The following MAPKAP1 variants were observed in gnomAD, a reference collection of about 807,000 sequenced individuals.
MAPKAP1 encodes MAPK associated protein 1.
MAPKAP1 carries 20 observed loss-of-function variants against 65.7 expected under a neutral mutation model. That is an observed-to-expected ratio of 0.30 (90% CI 0.21 to 0.44). The LOEUF is 0.44. Among genes scored for constraint, MAPKAP1 ranks in the 20% least tolerant of loss-of-function variants. The probability of loss-of-function intolerance (pLI) is 1.00; values close to 1 mark genes in which losing one functional copy is unlikely to be tolerated. For synonymous variants in MAPKAP1, 222 were observed against 244.3 expected, an observed-to-expected ratio of 0.91 and a Z score of 0.85; for missense variants, 423 against 648.0, an observed-to-expected ratio of 0.65 and a Z score of 3.77.
chr9:125,501,337 A>C (rs958332895), intron 8 of MAPKAP1, among the ~76,000 whole-genome samples: 10 of 152,224 alleles, frequency 6.6e-5, no homozygotes, highest in Non-Finnish European at 1.5e-5. Context: ...CATCACAGTT[A>C]AACCAAATGT....
intron 9 of MAPKAP1, among the ~76,000 whole-genome samples, chr9:125,478,657 G>A (rs536323644): frequency 6.6e-6 from 1 of 152,234 alleles, no homozygotes; most frequent in South Asian, 2.1e-4. Flanking sequence ...TGACACCTGT[G>A]GATTGGCACC....
chr9:125,584,149 C>G (rs1203130093), intron 5 of MAPKAP1, among the ~76,000 whole-genome samples: 2 of 152,102 alleles, frequency 1.3e-5, no homozygotes, highest in African/African-American at 4.8e-5. Flanking sequence ...GTTCCCACTT[C>G]ATGCAGAAAA....
At position 125,437,715 on chromosome 9, in the gene MAPKAP1, A is replaced by G. The variant is rs927108628; in HGVS notation, c.*1172T>C. ...ACATCTCTTCCTGTACAACAATTTAAAAAATGTTTCTAATGCAGGTCCTCA... is the reference window on the plus strand; with the variant it reads ...ACATCTCTTCCTGTACAACAATTTAGAAAATGTTTCTAATGCAGGTCCTCA... On this transcript the variant is annotated 3_prime_UTR_variant, in exon 12 of 12. Coordinates refer to ENST00000265960, the MANE Select transcript of MAPKAP1 (RefSeq NM_001006617.3). 2.6e-5 allele frequency: 4 copies of G among 152,420 alleles called. No individual in the cohort carries two copies. Among genetic ancestry groups the G allele is most frequent in the Non-Finnish European group, 4.4e-5 (3 of 68,044 alleles). The allele number at this position is 152,420 out of a possible 1,614,324, so 9.4% of individuals were successfully genotyped here.
At chr9:125,568,090 G>A (rs959202254) in intron 5 of MAPKAP1, 1 of 152,090 alleles carries the variant, frequency 6.6e-6, no homozygotes, top group Non-Finnish European at 1.5e-5. Flanking sequence ...TCCTAAGACA[G>A]AGTGGGTTAG....
At chr9:125,673,259 G>A (rs1023237630) in intron 1 of MAPKAP1, among the ~76,000 whole-genome samples, 1 of 152,040 alleles carries the variant, frequency 6.6e-6, no homozygotes, top group African/African-American at 2.4e-5. Context: ...ACAGGGTATC[G>A]CGCTTGTTGC....
At chr9:125,666,720 C>T (rs1488604381) in intron 3 of MAPKAP1, among the ~76,000 whole-genome samples, 2 of 152,048 alleles carry the variant, frequency 1.3e-5, no homozygotes, top group East Asian at 1.9e-4. Context: ...TGAGAGAGTA[C>T]GTTTGTGGGA....
intron 7 of MAPKAP1, among the ~76,000 whole-genome samples, chr9:125,525,307 T>C (rs1829730703): frequency 6.6e-6 from 1 of 152,116 alleles, no homozygotes; most frequent in African/African-American, 2.4e-5. Flanking sequence ...GAAGAAGACA[T>C]TATTATTATT....
intron 3 of MAPKAP1, among the ~76,000 whole-genome samples, chr9:125,669,394 C>T (rs757376545): frequency 6.0e-5 from 9 of 150,828 alleles, no homozygotes; most frequent in Non-Finnish European, 7.4e-5. Context: ...GCAGGAGAAT[C>T]GCTTGAACCG....
At chr9:125,454,452 C>A (rs1853086509) in intron 10 of MAPKAP1, among the ~76,000 whole-genome samples, 2 of 152,136 alleles carry the variant, frequency 1.3e-5, no homozygotes, top group South Asian at 4.1e-4. Flanking sequence ...GCTAGGGTAA[C>A]CTTTGTGCAA....
chr9:125,525,396 G>A (rs555556660), intron 7 of MAPKAP1, among the ~76,000 whole-genome samples: 39 of 152,268 alleles, frequency 2.6e-4, no homozygotes, highest in South Asian at 1.0e-3. Context: ...ACAGGAGGCC[G>A]GGCGCGGTGG....
chr9:125,585,761 C>T, intron 4 of MAPKAP1, 34 bp from the exon 5 acceptor site: 2 of 1,604,786 alleles, frequency 1.2e-6, no homozygotes, highest in Non-Finnish European at 8.5e-7. Flanking sequence ...GAGCAAAGCA[C>T]ACTGCCAGTT....
chr9:125,620,172 G>A (rs2131648899), intron 4 of MAPKAP1, among the ~76,000 whole-genome samples: 1 of 152,316 alleles, frequency 6.6e-6, no homozygotes, highest in Non-Finnish European at 1.5e-5. Flanking sequence ...ATCTGGGTGT[G>A]GTGGGGCACA....
chr9:125,680,794 AG>A lies in MAPKAP1; in HGVS notation c.-69-8152del, dbSNP rs375017273. Among the ~76,000 whole-genome samples the A allele has an allele frequency of 3.8e-4, 58 of 152,320 alleles. 1 individual carries two copies. In the East Asian group the frequency reaches 9.8e-3, roughly 26 times the overall value. ...AGCAGAGGAGCTGTGTCATATACAT[AG>A]GGAACAATAACATAAAGCAAGATAA... is the stretch of plus-strand genomic sequence containing the variant. On this transcript the variant is annotated intron_variant, in intron 1 of 11. Transcript: ENST00000265960.
chr9:125,480,296 G>A (rs888757139), intron 9 of MAPKAP1, among the ~76,000 whole-genome samples: 2 of 152,178 alleles, frequency 1.3e-5, no homozygotes, highest in Non-Finnish European at 2.9e-5. Flanking sequence ...TGAAATTTCT[G>A]ATTATAATGA....
chr9:125,645,117 G>A (rs1424404094), intron 4 of MAPKAP1, among the ~76,000 whole-genome samples: 1 of 152,064 alleles, frequency 6.6e-6, no homozygotes, highest in East Asian at 1.9e-4. Context: ...AAAGGGGAGG[G>A]GAAAGGCTGA....
chr9:125,565,256 A>G (rs1393591353), intron 5 of MAPKAP1: 2 of 152,254 alleles, frequency 1.3e-5, no homozygotes, highest in African/African-American at 4.8e-5. Context: ...TCACAAAGCG[A>G]CAGAAGCCTG....
At chr9:125,699,560 G>A (rs1326073214) in intron 1 of MAPKAP1, among the ~76,000 whole-genome samples, 2 of 151,994 alleles carry the variant, frequency 1.3e-5, no homozygotes, top group Non-Finnish European at 2.9e-5. Context: ...TGTCACATGA[G>A]GTCAGGCATA....
At chr9:125,579,004 T>A (rs138221005) in intron 5 of MAPKAP1, among the ~76,000 whole-genome samples, 1 of 152,324 alleles carries the variant, frequency 6.6e-6, no homozygotes, top group East Asian at 1.9e-4. Context: ...AATTTCATAG[T>A]CCACATTTTC....
Position 125,449,778 on chromosome 9 carries a change from C to T in MAPKAP1, c.1346-5180G>A, listed in dbSNP as rs570295611. 2.8e-3 allele frequency among the ~76,000 whole-genome samples: 429 copies of T among 152,192 alleles called. 1 individual carries two copies. The highest frequency in any genetic ancestry group is 5.0e-3 in the Non-Finnish European group (342 of 68,030). Reference sequence around the variant, plus strand: ...AGGTTCTTCCTGCCAGTTCAGGGGGCGTGGCCATGTTGGAAAGGCTGCTGT... The same window carrying T: ...AGGTTCTTCCTGCCAGTTCAGGGGGTGTGGCCATGTTGGAAAGGCTGCTGT... On this transcript the variant is annotated intron_variant, in intron 10 of 11. Transcript: ENST00000265960.
Sources: gnomAD v4.1 joint callset for allele counts (sites outside exome capture counted in the v4.1 genomes callset) on GRCh38, gnomAD v4.1.1 for gene constraint, MANE v1.5 for transcripts, NCBI Gene and HGNC (gene_info 2026-07-23, HGNC 2026-07-21) for gene names.